The following SND1 variants were observed in gnomAD, a reference collection of about 807,000 sequenced individuals.
SND1 encodes staphylococcal nuclease and tudor domain containing 1.
SND1 carries 38 observed loss-of-function variants against 121.7 expected under a neutral mutation model. The observed-to-expected ratio is 0.31, with a 90% confidence interval of 0.24 to 0.41. SND1 has a LOEUF of 0.41. Ranked by LOEUF, SND1 falls within the 10% of genes least tolerant of loss-of-function variation. The pLI is 1.00. For synonymous variants in SND1, 401 were observed against 447.4 expected (o/e 0.90, Z 1.31); for missense variants, 868 against 1,184.6 (o/e 0.73, Z 3.92).
In SND1 at chr7:128,081,491, T is replaced by C. The variant is rs1161249970; in HGVS notation, c.2100T>C (p.Asp700=). 1.9e-6 allele frequency: 3 copies of C among 1,613,840 alleles called. No homozygotes were observed. In the African/African-American group the frequency reaches 4.0e-5, roughly 22 times the overall value. The change falls in exon 18 of 24, where the codon GAT becomes GAC. Residue 700 remains aspartate, a synonymous_variant. Transcript: ENST00000354725. ...ATGACCTGCACTTCTACGTGCAGGA[T>C]GTGGAGACCGGTGAGTGCTCAGGCC... is the stretch of plus-strand genomic sequence containing the variant. ...ITDDLHFYVQ[D]VETGTQLEKL...
At chr7:127,948,478 G>A (rs1160492954) in intron 15 of SND1, among the ~76,000 whole-genome samples, 1 of 152,230 alleles carries the variant, frequency 6.6e-6, no homozygotes, top group African/African-American at 2.4e-5. Context: ...GTATGAGTAG[G>A]AGATGACAGC....
rs145097311 is a variant in SND1 at position 127,845,374 on chromosome 7, T to C, written c.1343+950T>C. Among the ~76,000 whole-genome samples the C allele has an allele frequency of 6.2e-4, 95 of 152,378 alleles. 2 individuals are homozygous for C. In the East Asian group the frequency reaches 0.016, roughly 25 times the overall value. On this transcript the variant is annotated intron_variant, in intron 12 of 23. Transcript: ENST00000354725. ...CTGCTACCGATCCTATATTTATTAA[T>C]GTTGTTAATGTTCACACAACAATTG...
intron 15 of SND1, among the ~76,000 whole-genome samples, chr7:127,942,230 AG>A (rs1402987656): frequency 1.3e-5 from 2 of 152,282 alleles, no homozygotes; most frequent in East Asian, 3.9e-4. Context: ...AAAAGGAAAT[AG>A]TGTATGCCTT....
intron 17 of SND1, among the ~76,000 whole-genome samples, chr7:128,080,336 G>T (rs538987570): frequency 1.3e-5 from 2 of 152,256 alleles, no homozygotes; most frequent in African/African-American, 4.8e-5. Flanking sequence ...CGTCAAATCA[G>T]CTTCTGAGCC....
intron 12 of SND1, among the ~76,000 whole-genome samples, chr7:127,876,960 T>C (rs1449899653): frequency 1.3e-5 from 2 of 152,154 alleles, no homozygotes; most frequent in East Asian, 3.9e-4. Context: ...AAATATTAGA[T>C]ATTTGAAGAT....
At chr7:127,959,381 C>T (rs990121951) in intron 15 of SND1, among the ~76,000 whole-genome samples, 1 of 152,132 alleles carries the variant, frequency 6.6e-6, no homozygotes. Context: ...CCCTGGGTAC[C>T]ATTCTATTCT....
At chr7:127,896,607 G>A (rs1028676687) in intron 13 of SND1, among the ~76,000 whole-genome samples, 2 of 145,424 alleles carry the variant, frequency 1.4e-5, no homozygotes, top group African/African-American at 5.7e-5. Flanking sequence ...CCCTTTCATG[G>A]AAGATTGATC....
chr7:127,931,998 GC>G (rs1800964657), intron 15 of SND1, among the ~76,000 whole-genome samples: 1 of 152,222 alleles, frequency 6.6e-6, no homozygotes, highest in African/African-American at 2.4e-5. Context: ...GATTGTACAT[GC>G]CTGCTAACAT....
At chr7:127,730,923 A>G (rs904945639) in intron 10 of SND1, among the ~76,000 whole-genome samples, 15 of 152,144 alleles carry the variant, frequency 9.9e-5, no homozygotes, top group African/African-American at 3.6e-4. Flanking sequence ...GGAACGCGGG[A>G]CTTTTTTCAC....
intron 14 of SND1, among the ~76,000 whole-genome samples, chr7:127,920,988 C>T (rs1322620477): frequency 6.6e-6 from 1 of 152,082 alleles, no homozygotes; most frequent in Non-Finnish European, 1.5e-5. Context: ...ATGGTTCTCA[C>T]AGCATAATTT....
intron 12 of SND1, among the ~76,000 whole-genome samples, chr7:127,852,091 T>A (rs183662641): frequency 2.6e-4 from 40 of 151,858 alleles, no homozygotes; most frequent in Non-Finnish European, 3.1e-4. Context: ...ACCCTGGAGA[T>A]GGAGGTTGCA....
At chr7:127,993,754 T>G (rs1802572797) in intron 16 of SND1, among the ~76,000 whole-genome samples, 2 of 152,232 alleles carry the variant, frequency 1.3e-5, no homozygotes, top group Non-Finnish European at 2.9e-5. Context: ...CTCTATCCCC[T>G]GCATGCCTTC....
intron 11 of SND1, among the ~76,000 whole-genome samples, chr7:127,840,598 A>C (rs1032975632): frequency 6.6e-6 from 1 of 152,232 alleles, no homozygotes; most frequent in African/African-American, 2.4e-5. Flanking sequence ...TTAGACGAAG[A>C]TGTTGCTAAG....
chr7:127,717,404 G>A (rs116744132), intron 9 of SND1, among the ~76,000 whole-genome samples: 2,012 of 152,182 alleles, frequency 0.013, 48 homozygotes, highest in African/African-American at 0.046. Flanking sequence ...GTACTGGTCA[G>A]GTAGTGTGTA....
In SND1 at chr7:128,065,363, G is replaced by A. The variant is rs551441062; in HGVS notation, c.1780-9139G>A. Among the ~76,000 whole-genome samples the A allele has an allele frequency of 4.6e-5, 7 of 152,348 alleles. No homozygotes were observed. In the South Asian group the frequency reaches 1.5e-3, roughly 32 times the overall value. ...TGAGAATCAAGGTCCACAAAGCAGAGCGGACTGGCCCCATTGGGGGGGTCA... is the reference window on the plus strand; with the variant it reads ...TGAGAATCAAGGTCCACAAAGCAGAACGGACTGGCCCCATTGGGGGGGTCA... On this transcript the variant is annotated intron_variant, in intron 16 of 23. Transcript: ENST00000354725.
intron 15 of SND1, among the ~76,000 whole-genome samples, chr7:127,940,126 G>T (rs1801161868): frequency 6.6e-6 from 1 of 152,084 alleles, no homozygotes; most frequent in Admixed American, 6.5e-5. Flanking sequence ...ATGCAGGGTT[G>T]TCTGGCTTGC....
At chr7:127,895,228 T>G (rs1313109997) in intron 13 of SND1, among the ~76,000 whole-genome samples, 1 of 152,142 alleles carries the variant, frequency 6.6e-6, no homozygotes, top group East Asian at 1.9e-4. Context: ...AAATTCTTTT[T>G]GAATAAAAGT....
chr7:127,916,490 G>C (rs956437233), intron 14 of SND1, among the ~76,000 whole-genome samples: 4 of 152,118 alleles, frequency 2.6e-5, no homozygotes, highest in African/African-American at 9.7e-5. Flanking sequence ...TCATGCATGA[G>C]TTTAGGACTA....
chr7:127,735,614 G>GT (rs921078360), intron 10 of SND1, among the ~76,000 whole-genome samples: 23 of 151,238 alleles, frequency 1.5e-4, no homozygotes, highest in Admixed American at 3.3e-4. Context: ...AGGGTGACCT[G>GT]TTTTTTTTTG....
Sources: allele counts gnomAD v4.1 joint callset (sites outside exome capture counted in the v4.1 genomes callset), GRCh38; gene constraint gnomAD v4.1.1; transcripts MANE v1.5; gene names NCBI Gene and HGNC (gene_info 2026-07-23, HGNC 2026-07-21).